The following CRHR2 variants were observed in gnomAD, a reference collection of about 807,000 sequenced individuals.
CRHR2 encodes corticotropin releasing hormone receptor 2, also known as corticotropin-releasing hormone receptor 2.
In CRHR2, 53 loss-of-function variants were observed where a neutral mutation model predicts 57.9. That is an observed-to-expected ratio of 0.92 (90% CI 0.73 to 1.15). The LOEUF (loss-of-function observed/expected upper bound fraction) is 1.15. CRHR2 is among the 50% of genes most tolerant of loss of function. The pLI is 0.00. For missense variants in CRHR2, 532 were observed against 542.6 expected (o/e 0.98, Z 0.19); for synonymous variants, 213 against 220.9 (o/e 0.96, Z 0.32).
intron 2 of CRHR2, among the ~76,000 whole-genome samples, chr7:30,678,057 T>C (rs1049839308): frequency 6.7e-6 from 1 of 149,564 alleles, no homozygotes; most frequent in African/African-American, 2.5e-5. Context: ...CTGGTGGTGT[T>C]GGCAGGGCCT....
chr7:30,691,855 G>A (rs770705384), intron 1 of CRHR2, among the ~76,000 whole-genome samples: 1 of 152,174 alleles, frequency 6.6e-6, no homozygotes, highest in Admixed American at 6.5e-5. Flanking sequence ...TGGTGGTGGT[G>A]ATGGGTGGGC....
chr7:30,688,789 G>A (rs1213094167), intron 2 of CRHR2: 3 of 457,902 alleles, frequency 6.6e-6, no homozygotes, highest in Non-Finnish European at 1.3e-5. Flanking sequence ...ACTCAGGGCC[G>A]GGCTGCTGCT....
At chr7:30,694,891 G>A (rs1785027292) in intron 1 of CRHR2, among the ~76,000 whole-genome samples, 1 of 128,118 alleles carries the variant, frequency 7.8e-6, no homozygotes. Flanking sequence ...GGAGGAGAGG[G>A]GATGATGAGG....
intron 1 of CRHR2, among the ~76,000 whole-genome samples, chr7:30,690,173 C>T (rs547671576): frequency 1.3e-5 from 2 of 152,102 alleles, no homozygotes; most frequent in South Asian, 2.1e-4. Flanking sequence ...ACGGCATGTA[C>T]GATTTACTGA....
At chr7:30,662,580 G>A in intron 6 of CRHR2, 114 bp downstream of exon 6, 1 of 1,313,434 alleles carries the variant, frequency 7.6e-7, no homozygotes, top group Non-Finnish European at 1.1e-6. Flanking sequence ...CCACCGGACT[G>A]CGCTGGGGGT....
chr7:30,653,320 C>T lies in CRHR2; in HGVS notation c.*140G>A, dbSNP rs937042664. 7.8e-6 allele frequency: 10 copies of T among 1,275,810 alleles called. No individual in the cohort carries two copies. Among genetic ancestry groups the T allele is most frequent in the African/African-American group, 4.5e-5 (3 of 67,046 alleles). 79.0% of individuals were successfully genotyped at this position (1,275,810 alleles called of 1,614,324 possible). On this transcript the variant is annotated 3_prime_UTR_variant, in exon 12 of 12. Transcript: ENST00000471646. The surrounding 1 kb of genome is among the most constrained non-coding windows in gnomAD (Gnocchi z 5.0). ...CCCTTGCAGTCCCCCTTGGCTGCCG[C>T]ACCCCCTCTTTCCTGCCAGGCTGGA...
chr7:30,665,366 G>A lies in CRHR2; in HGVS notation c.425+164C>T, dbSNP rs1312073404. 6.6e-6 allele frequency among the ~76,000 whole-genome samples: 1 copy of A among 152,140 alleles called. No homozygotes were observed. Among genetic ancestry groups the A allele is most frequent in the Non-Finnish European group, 1.5e-5 (1 of 68,028 alleles). On this transcript the variant is annotated intron_variant, in intron 4 of 11. Coordinates refer to ENST00000471646, the MANE Select transcript of CRHR2 (RefSeq NM_001883.5). The surrounding 1 kb of genome is among the most constrained non-coding windows in gnomAD (Gnocchi z 4.5). ...CCAGCTCCCACTCTGCACCCCACAT[G>A]CCTGCTGGTGATTCATGCCCTGGCA...
In CRHR2 at chr7:30,665,094, G is replaced by A. The variant is rs908419152; in HGVS notation, c.519C>T (p.Asp173=). ...CCTCATTGCTCTCGTGCACTTCATG[G>A]TCAACGAGCTGCAGCAGGAACCACA... ...NVMWFLLQLV[D]HEVHESNEVW... Residue 173 remains aspartate (D), a synonymous_variant, in exon 5 of 12, where the codon GAC becomes GAT. Transcript: ENST00000471646. The surrounding 1 kb of genome is among the most constrained non-coding windows in gnomAD (Gnocchi z 4.5). 3.1e-6 allele frequency: 5 copies of A among 1,614,050 alleles called. No individual in the cohort carries two copies. The highest frequency in any genetic ancestry group is 2.2e-5 in the East Asian group (1 of 44,852).
chr7:30,661,865 C>T (rs1784012017), intron 7 of CRHR2, among the ~76,000 whole-genome samples: 1 of 152,248 alleles, frequency 6.6e-6, no homozygotes, highest in African/African-American at 2.4e-5. Context: ...AGAGCTGCCA[C>T]ATCCAAGTCT....
intron 2 of CRHR2, among the ~76,000 whole-genome samples, chr7:30,680,881 T>C (rs1784678947): frequency 6.6e-6 from 1 of 150,846 alleles, no homozygotes; most frequent in Non-Finnish European, 1.5e-5. Flanking sequence ...GGAGCTGGGC[T>C]ACCAATCAGA....
chr7:30,663,347 A>G (rs1392018646), intron 5 of CRHR2, among the ~76,000 whole-genome samples: 2 of 152,118 alleles, frequency 1.3e-5, no homozygotes, highest in Non-Finnish European at 2.9e-5. Flanking sequence ...GGGATTCTCC[A>G]AAGACTCTGG....
At position 30,662,123 on chromosome 7, in the gene CRHR2, C is replaced by A. The variant is rs776747934; in HGVS notation, c.758+33G>T. The A allele has an allele frequency of 1.9e-6, 3 of 1,612,368 alleles. No individual in the cohort carries two copies. The Admixed American group carries it at 5.0e-5, about 27-fold the overall frequency. On this transcript the variant is annotated intron_variant, in intron 7 of 11. Coordinates refer to ENST00000471646, the MANE Select transcript of CRHR2 (RefSeq NM_001883.5). ...TGTCCTAACACCCCCATTCCCTTCC[C>A]CATGACCCCCCATGGCTGGCCCATC...
rs572905690 is a variant in CRHR2 at position 30,665,057 on chromosome 7, C to A, written c.543+13G>T. 5.3e-5 allele frequency: 85 copies of A among 1,611,596 alleles called. No homozygotes were observed. The South Asian group carries it at 8.8e-4, about 17-fold the overall frequency. On this transcript the variant is annotated intron_variant, in intron 5 of 11. Transcript: ENST00000471646. The surrounding 1 kb of genome is among the most constrained non-coding windows in gnomAD (Gnocchi z 4.5). ...CCCCCCAGGTATAGCCCCGAGTCTC[C>A]CCGAGCAATGACCTCATTGCTCTCG... is the stretch of plus-strand genomic sequence containing the variant.
At chr7:30,697,621 C>A (rs1441497862) in intron 1 of CRHR2, among the ~76,000 whole-genome samples, 1 of 152,098 alleles carries the variant, frequency 6.6e-6, no homozygotes, top group Non-Finnish European at 1.5e-5. Context: ...TCAAAAGCAC[C>A]AGCTGGAACC....
At chr7:30,655,018 C>T (rs961908641) in intron 11 of CRHR2, 21 bp downstream of exon 11, 2 of 1,611,448 alleles carry the variant, frequency 1.2e-6, no homozygotes, top group Admixed American at 1.7e-5. Flanking sequence ...CCCAGGCCAC[C>T]CCGAGGGCCC....
chr7:30,675,511 G>A (rs780748453), intron 2 of CRHR2, among the ~76,000 whole-genome samples: 2 of 152,256 alleles, frequency 1.3e-5, no homozygotes, highest in Non-Finnish European at 2.9e-5. Context: ...AGCAGCCGCT[G>A]TCTCTAAAGC....
At chr7:30,696,138 G>A (rs573782316) in intron 1 of CRHR2, among the ~76,000 whole-genome samples, 14 of 152,190 alleles carry the variant, frequency 9.2e-5, no homozygotes, top group South Asian at 2.1e-4. Flanking sequence ...AATGGTTACC[G>A]GAGGCTGGGA....
In CRHR2 at chr7:30,671,857, TAGA is replaced by T. The variant is rs1170015952; in HGVS notation, c.230-4547_230-4545del. Among the ~76,000 whole-genome samples the T allele has an allele frequency of 6.2e-5, 9 of 145,940 alleles. No homozygotes were observed. The East Asian group carries it at 7.9e-4, about 13-fold the overall frequency. On this transcript the variant is annotated intron_variant, in intron 2 of 11. Transcript: ENST00000471646. Reference sequence around the variant, plus strand: ...ATGATGATGATAATGATGATGATGATAGAAGAAGAAGGAGGATGAAGAGGAGGA... The same window carrying T: ...ATGATGATGATAATGATGATGATGATAGAAGAAGGAGGATGAAGAGGAGGA...
rs1321423724 is a variant in CRHR2 at position 30,653,905 on chromosome 7, T to C, written c.1096-305A>G. Among the ~76,000 whole-genome samples the C allele has an allele frequency of 1.3e-5, 2 of 152,140 alleles. No homozygotes were observed. Among genetic ancestry groups the C allele is most frequent in the Non-Finnish European group, 2.9e-5 (2 of 68,032 alleles). On this transcript the variant is annotated intron_variant, in intron 11 of 11. Transcript: ENST00000471646. The surrounding 1 kb of genome is among the most constrained non-coding windows in gnomAD (Gnocchi z 5.0). ...TCACTCTGCCACCTCAAAATTAGCA[T>C]CTTGGGACCAGAGAGCGCAGCTTGG... is the stretch of plus-strand genomic sequence containing the variant.
Sources: gnomAD v4.1 joint callset for allele counts (sites outside exome capture counted in the v4.1 genomes callset) on GRCh38, gnomAD v4.1.1 for gene constraint, Gnocchi (gnomAD v3.1) non-coding constraint, MANE v1.5 for transcripts, NCBI Gene and HGNC (gene_info 2026-07-23, HGNC 2026-07-21) for gene names.